Variants in TESK2 observed in about 807,000 individuals in gnomAD.
The protein encoded by TESK2 is testis associated actin remodelling kinase 2, also known as dual specificity testis-specific protein kinase 2.
Under a neutral mutation model 57.1 loss-of-function variants are expected in TESK2, and 39 were observed. The observed-to-expected ratio is 0.68, with a 90% CI of 0.53 to 0.89. The LOEUF is 0.89. Among genes scored for constraint, TESK2 ranks in the 40% least tolerant of loss-of-function variants. The probability of loss-of-function intolerance (pLI) is 0.00; values close to 1 mark genes in which losing one functional copy is unlikely to be tolerated. For synonymous variants in TESK2, 249 were observed against 267.9 expected (o/e 0.93, Z 0.69); for missense variants, 646 against 732.1 (o/e 0.88, Z 1.36).
chr1:45,347,738 T>C, intron 6 of TESK2, 45 bp from the exon 7 acceptor site: 1 of 1,593,450 alleles, frequency 6.3e-7, no homozygotes, highest in Non-Finnish European at 8.6e-7. Flanking sequence ...CAATGGCTGG[T>C]GCAATGGAAT....
chr1:45,428,816 A>ATTGTTTTTT (rs1650822475), intron 2 of TESK2, among the ~76,000 whole-genome samples: 1 of 82,592 alleles, frequency 1.2e-5, no homozygotes, highest in Non-Finnish European at 2.1e-5. Flanking sequence ...TAAATTCCTG[A>ATTGTTTTTT]TTTTTTTTTT....
intron 3 of TESK2, among the ~76,000 whole-genome samples, chr1:45,390,612 G>A (rs1649095822): frequency 7.0e-6 from 1 of 143,776 alleles, no homozygotes; most frequent in African/African-American, 2.6e-5. Flanking sequence ...GTCTTACTTT[G>A]TTGCCCAGGC....
intron 4 of TESK2, among the ~76,000 whole-genome samples, chr1:45,362,854 T>A (rs1647747074): frequency 6.6e-6 from 1 of 152,068 alleles, no homozygotes; most frequent in African/African-American, 2.4e-5. Context: ...CTAGCCTAGA[T>A]GGTCTAGTAG....
At chr1:45,372,472 G>A (rs532648970) in intron 4 of TESK2, among the ~76,000 whole-genome samples, 7 of 151,780 alleles carry the variant, frequency 4.6e-5, no homozygotes, top group African/African-American at 9.7e-5. Context: ...CCAGCTACTC[G>A]AGAGGCTGAG....
intron 3 of TESK2, among the ~76,000 whole-genome samples, chr1:45,394,939 C>G (rs1465421239): frequency 1.3e-5 from 2 of 151,930 alleles, no homozygotes; most frequent in East Asian, 3.9e-4. Context: ...ATCCGCCCGT[C>G]TCAGCCTCCC....
At chr1:45,373,028 C>CAAAAAA (rs200182758) in intron 4 of TESK2, among the ~76,000 whole-genome samples, 14 of 60,798 alleles carry the variant, frequency 2.3e-4, no homozygotes, top group South Asian at 5.6e-4. Flanking sequence ...ATCTCCGTCT[C>CAAAAAA]AAAAAAAAAA....
intron 3 of TESK2, among the ~76,000 whole-genome samples, chr1:45,418,915 T>C (rs1254626148): frequency 1.3e-5 from 2 of 151,666 alleles, no homozygotes; most frequent in African/African-American, 4.8e-5. Flanking sequence ...ATCACAAAAA[T>C]TAAAAGTAAT....
chr1:45,432,697 A>G lies in TESK2; in HGVS notation c.223-10851T>C, dbSNP rs113166771. Among the ~76,000 whole-genome samples the G allele has an allele frequency of 5.2e-3, 787 of 151,716 alleles. 9 individuals carry two copies. The highest frequency in any genetic ancestry group is 0.018 in the African/African-American group (744 of 41,398). On this transcript the variant is annotated intron_variant, in intron 2 of 10. Coordinates refer to ENST00000372086, the MANE Select transcript of TESK2 (RefSeq NM_007170.3). Reference sequence around the variant, plus strand: ...AAGAGCCAGACTCCGTCTCAAAAAAAAAAGATATATACAATACATTATTAA... The same window carrying G: ...AAGAGCCAGACTCCGTCTCAAAAAAGAAAGATATATACAATACATTATTAA...
At chr1:45,437,984 G>A (rs1162501319) in intron 2 of TESK2, among the ~76,000 whole-genome samples, 1 of 152,168 alleles carries the variant, frequency 6.6e-6, no homozygotes, top group African/African-American at 2.4e-5. Flanking sequence ...TCCCCAAACA[G>A]TATTGGTATA....
chr1:45,381,860 C>CTTTTTTTTTT (rs748886310), intron 4 of TESK2, among the ~76,000 whole-genome samples: 5 of 91,882 alleles, frequency 5.4e-5, no homozygotes, highest in Non-Finnish European at 8.9e-5. Context: ...CATTCCTATT[C>CTTTTTTTTTT]TTTTTTTTTT....
Position 45,345,494 on chromosome 1 carries a change from C to T in TESK2, c.1062G>A (p.Lys354=), listed in dbSNP as rs187899694. Residue 354 remains lysine, a synonymous_variant, in exon 11 of 11, where the codon AAG becomes AAA. Transcript: ENST00000372086. ...LSSLDDKIPH[K]SPCPRRTIWL... is the part of the protein sequence containing the mutation. ...AGATGGTACGTCTTGGGCATGGTGA[C>T]TTGTGGGGGATCTTGTCATCCAGTG... is the stretch of plus-strand genomic sequence containing the variant. 2.5e-6 allele frequency: 4 copies of T among 1,614,156 alleles called. No homozygotes were observed. The Admixed American group carries it at 6.7e-5, about 27-fold the overall frequency.
chr1:45,426,783 C>T (rs1650711978), intron 2 of TESK2, among the ~76,000 whole-genome samples: 1 of 152,046 alleles, frequency 6.6e-6, no homozygotes, highest in South Asian at 2.1e-4. Flanking sequence ...TTTAAATGGG[C>T]AAAAGATCTG....
At chr1:45,382,760 C>T (rs908708254) in intron 4 of TESK2, among the ~76,000 whole-genome samples, 3 of 152,212 alleles carry the variant, frequency 2.0e-5, no homozygotes, top group Non-Finnish European at 4.4e-5. Context: ...ATCCCAGCTA[C>T]TCAGGAGGCT....
At chr1:45,483,403 C>T (rs963557017) in intron 1 of TESK2, among the ~76,000 whole-genome samples, 2 of 151,980 alleles carry the variant, frequency 1.3e-5, no homozygotes, top group African/African-American at 4.8e-5. Context: ...CAAGACCAGC[C>T]TGGCCAACAT....
At chr1:45,423,026 C>T (rs1429118798) in intron 2 of TESK2, among the ~76,000 whole-genome samples, 1 of 151,958 alleles carries the variant, frequency 6.6e-6, no homozygotes, top group Admixed American at 6.6e-5. Context: ...CCTTGGCCTC[C>T]CAGCCACCGT....
intron 4 of TESK2, among the ~76,000 whole-genome samples, chr1:45,357,634 G>T (rs1283539273): frequency 6.6e-6 from 1 of 151,084 alleles, no homozygotes; most frequent in African/African-American, 2.4e-5. Flanking sequence ...ATCACTTGAG[G>T]TCAGGAGTTT....
intron 5 of TESK2, among the ~76,000 whole-genome samples, chr1:45,350,363 C>G (rs1647214240): frequency 6.6e-6 from 1 of 152,148 alleles, no homozygotes; most frequent in Admixed American, 6.5e-5. Context: ...AATAAAGCCA[C>G]CTGAGTGAAG....
chr1:45,448,761 T>G (rs1178232352), intron 2 of TESK2, among the ~76,000 whole-genome samples: 2 of 152,102 alleles, frequency 1.3e-5, no homozygotes, highest in African/African-American at 2.4e-5. Flanking sequence ...AACATGAGAT[T>G]TGGAGGGAAC....
intron 3 of TESK2, among the ~76,000 whole-genome samples, chr1:45,411,449 G>T (rs1418841952): frequency 1.3e-5 from 2 of 152,142 alleles, no homozygotes; most frequent in African/African-American, 4.8e-5. Context: ...TCACAACAGG[G>T]TTCACGCTTC....
Sources: gnomAD v4.1 joint callset for allele counts (sites outside exome capture counted in the v4.1 genomes callset) on GRCh38, gnomAD v4.1.1 for gene constraint, MANE v1.5 for transcripts, NCBI Gene and HGNC (gene_info 2026-07-23, HGNC 2026-07-21) for gene names.